ITGB3BP: variants seen among roughly 807,000 people sequenced by gnomAD.
The protein encoded by ITGB3BP is centromere protein R.
ITGB3BP carries 27 observed loss-of-function variants against 29.1 expected under a neutral mutation model. That is an observed-to-expected ratio of 0.93 (90% confidence interval 0.68 to 1.28). The LOEUF (loss-of-function observed/expected upper bound fraction) is 1.28, where lower values mean the gene tolerates loss of function less well. Among genes scored for constraint, ITGB3BP ranks in the 50% most tolerant of loss-of-function variants. The probability of loss-of-function intolerance (pLI) is 0.00; values close to 1 mark genes in which losing one functional copy is unlikely to be tolerated. For synonymous variants in ITGB3BP, 61 were observed against 61.4 expected (o/e 0.99, Z 0.03); for missense variants, 192 against 200.2 (o/e 0.96, Z 0.25).
intron 2 of ITGB3BP, among the ~76,000 whole-genome samples, chr1:63,498,787 A>G (rs1382700262): frequency 1.3e-5 from 2 of 152,098 alleles, no homozygotes; most frequent in Non-Finnish European, 2.9e-5. Context: ...TGAGAAGATC[A>G]ACAAAATTGG....
chr1:63,451,613 T>G (rs2100491891), intron 7 of ITGB3BP: 1 of 151,964 alleles, frequency 6.6e-6, no homozygotes, highest in East Asian at 1.9e-4. Context: ...ACATAATCAT[T>G]AACCAAAAAA....
In ITGB3BP at chr1:63,523,164, G is replaced by C; in HGVS notation, c.-31C>G. On this transcript the variant is annotated 5_prime_UTR_variant, in exon 1 of 9. The change creates a premature stop within an existing upstream ORF in the 5' untranslated region. Coordinates refer to ENST00000271002, the MANE Select transcript of ITGB3BP (RefSeq NM_014288.5). Reference sequence around the variant, plus strand: ...GATTCGGGAAAGCACCACTGCCGCTGAATAAAACGAACCCAGCAACTTCCG... The same window carrying C: ...GATTCGGGAAAGCACCACTGCCGCTCAATAAAACGAACCCAGCAACTTCCG... 1 of 1,613,842 alleles carries C rather than the reference G, an allele frequency of 6.2e-7. No individual in the cohort carries two copies. Among genetic ancestry groups the C allele is most frequent in the South Asian group, 1.1e-5 (1 of 91,066 alleles).
At chr1:63,476,258 G>C (rs887210632) in intron 4 of ITGB3BP, among the ~76,000 whole-genome samples, 5 of 151,798 alleles carry the variant, frequency 3.3e-5, no homozygotes, top group African/African-American at 1.2e-4. Flanking sequence ...CCCCATCCCA[G>C]GTTCAAGTGA....
At chr1:63,495,713 C>T (rs1010118373) in intron 2 of ITGB3BP, among the ~76,000 whole-genome samples, 5 of 152,102 alleles carry the variant, frequency 3.3e-5, no homozygotes, top group African/African-American at 9.7e-5. Context: ...TCTAACCATG[C>T]TATTCAAGCA....
At chr1:63,483,500 T>A (rs1183524660) in intron 3 of ITGB3BP, among the ~76,000 whole-genome samples, 1 of 152,216 alleles carries the variant, frequency 6.6e-6, no homozygotes, top group African/African-American at 2.4e-5. Context: ...TCATTAGACT[T>A]TTCTGAGAAC....
chr1:63,524,322 C>A (rs941400643), upstream of ITGB3BP, among the ~76,000 whole-genome samples: 1 of 152,308 alleles, frequency 6.6e-6, no homozygotes, highest in East Asian at 1.9e-4. Context: ...TATAGTATTA[C>A]CAATTTGCAG....
intron 4 of ITGB3BP, among the ~76,000 whole-genome samples, chr1:63,472,460 C>T (rs1311243072): frequency 6.8e-6 from 1 of 147,136 alleles, no homozygotes; most frequent in Non-Finnish European, 1.5e-5. Context: ...CCCCTCTCCC[C>T]TCTCCCCTCT....
chr1:63,527,283 T>C (rs1646609943), upstream of ITGB3BP, among the ~76,000 whole-genome samples: 1 of 152,232 alleles, frequency 6.6e-6, no homozygotes, highest in Non-Finnish European at 1.5e-5. Context: ...TATACAGTGT[T>C]TGTCTCTTCA....
chr1:63,503,871 T>C (rs934350719), intron 2 of ITGB3BP, among the ~76,000 whole-genome samples: 4 of 152,202 alleles, frequency 2.6e-5, no homozygotes, highest in African/African-American at 9.7e-5. Context: ...AATTGGTCTA[T>C]ACCTCTCTTT....
At chr1:63,506,015 A>G (rs1321749060) in intron 2 of ITGB3BP, among the ~76,000 whole-genome samples, 2 of 152,218 alleles carry the variant, frequency 1.3e-5, no homozygotes, top group Non-Finnish European at 2.9e-5. Context: ...AGAGTTCTGT[A>G]GATGTCTATT....
At chr1:63,450,718 G>C (rs1238162899) in intron 7 of ITGB3BP, among the ~76,000 whole-genome samples, 1 of 151,928 alleles carries the variant, frequency 6.6e-6, no homozygotes, top group Non-Finnish European at 1.5e-5. Context: ...CATAAAGCCA[G>C]TGTTATTGAA....
At chr1:63,497,299 C>T (rs548657760) in intron 2 of ITGB3BP, among the ~76,000 whole-genome samples, 34 of 152,070 alleles carry the variant, frequency 2.2e-4, no homozygotes, top group Admixed American at 4.6e-4. Context: ...AATGAGATCC[C>T]TATTCTAAAA....
intron 4 of ITGB3BP, among the ~76,000 whole-genome samples, chr1:63,463,722 T>G (rs527651668): frequency 6.6e-6 from 1 of 152,326 alleles, no homozygotes; most frequent in Admixed American, 6.5e-5. Flanking sequence ...ACATAAAATA[T>G]TAACGTGTAG....
At chr1:63,457,044 T>C (rs1056504306) in intron 4 of ITGB3BP, 1 of 152,206 alleles carries the variant, frequency 6.6e-6, no homozygotes, top group Non-Finnish European at 1.5e-5. Context: ...GATCAAGTAG[T>C]AGGACTAGTA....
At chr1:63,522,590 A>T (rs929853393) in intron 1 of ITGB3BP, among the ~76,000 whole-genome samples, 5 of 151,982 alleles carry the variant, frequency 3.3e-5, no homozygotes, top group African/African-American at 1.2e-4. Context: ...TAATCAGATT[A>T]TTGGTCATAG....
intron 8 of ITGB3BP, among the ~76,000 whole-genome samples, chr1:63,444,042 G>T (rs923846546): frequency 1.3e-5 from 2 of 152,172 alleles, no homozygotes; most frequent in African/African-American, 4.8e-5. Flanking sequence ...AGAACTGAGG[G>T]AAATGCCTCA....
At chr1:63,474,900 A>G (rs1312919521) in intron 4 of ITGB3BP, among the ~76,000 whole-genome samples, 1 of 37,428 alleles carries the variant, frequency 2.7e-5, no homozygotes, top group Non-Finnish European at 7.9e-5. Context: ...AAAAAAAAAA[A>G]ATAAATAAAT....
At chr1:63,490,404 T>C (rs1486593049) in intron 2 of ITGB3BP, among the ~76,000 whole-genome samples, 186 bp from the exon 3 acceptor site, 1 of 152,174 alleles carries the variant, frequency 6.6e-6, no homozygotes, top group Non-Finnish European at 1.5e-5. Flanking sequence ...ATTTCAGGTC[T>C]CTATAATAAC....
chr1:63,496,910 T>C (rs1285175456), intron 2 of ITGB3BP, among the ~76,000 whole-genome samples: 1 of 152,186 alleles, frequency 6.6e-6, no homozygotes, highest in Admixed American at 6.5e-5. Context: ...TTAGATGAAG[T>C]TGTCTACATA....
Sources: gnomAD v4.1 joint callset for allele counts (sites outside exome capture counted in the v4.1 genomes callset) on GRCh38, gnomAD v4.1.1 for gene constraint, MANE v1.5 for transcripts, NCBI Gene and HGNC (gene_info 2026-07-23, HGNC 2026-07-21) for gene names.